STON2: variants seen among roughly 807,000 people sequenced by gnomAD.
STON2 encodes the protein stonin-2.
Under a neutral mutation model 65.7 loss-of-function variants are expected in STON2, and 29 were observed. The ratio of observed to expected loss-of-function variants is 0.44; its 90% CI spans 0.33 to 0.60. The LOEUF (loss-of-function observed/expected upper bound fraction) is 0.60, where lower values mean the gene tolerates loss of function less well. Ranked by LOEUF, STON2 falls within the 20% of genes least tolerant of loss-of-function variation. The pLI is 0.03. For missense variants in STON2, 1,054 were observed against 1,118.1 expected (o/e 0.94, Z 0.82); for synonymous variants, 404 against 414.2 (o/e 0.98, Z 0.30).
chr14:81,288,950 T>G (rs1005225198), intron 5 of STON2, among the ~76,000 whole-genome samples: 2 of 150,484 alleles, frequency 1.3e-5, no homozygotes, highest in African/African-American at 5.0e-5. Context: ...AGGACTATAA[T>G]GCCCACACTC....
chr14:81,380,117 G>A (rs533251832), intron 3 of STON2, among the ~76,000 whole-genome samples: 2 of 152,220 alleles, frequency 1.3e-5, no homozygotes, highest in African/African-American at 4.8e-5. Context: ...CTAATGTCAA[G>A]AATCTATAAG....
At chr14:81,348,830 C>T (rs1897914523) in intron 4 of STON2, among the ~76,000 whole-genome samples, 1 of 152,036 alleles carries the variant, frequency 6.6e-6, no homozygotes, top group Admixed American at 6.6e-5. Flanking sequence ...AGGTATCATA[C>T]TACCTTAGCT....
upstream of STON2, among the ~76,000 whole-genome samples, chr14:81,402,449 C>A (rs1030701348): frequency 2.0e-5 from 3 of 152,130 alleles, no homozygotes; most frequent in Admixed American, 1.3e-4. Flanking sequence ...TGGTTAGTCA[C>A]CAAAAGTAGG....
intron 5 of STON2, among the ~76,000 whole-genome samples, chr14:81,315,292 C>T (rs1192220063): frequency 6.6e-6 from 1 of 152,176 alleles, no homozygotes; most frequent in Non-Finnish European, 1.5e-5. Context: ...CAGATAAAAC[C>T]TCAATTCCTT....
At chr14:81,339,452 G>A (rs1009849945) in intron 4 of STON2, among the ~76,000 whole-genome samples, 1 of 152,164 alleles carries the variant, frequency 6.6e-6, no homozygotes, top group Non-Finnish European at 1.5e-5. Context: ...AGCAAAGACA[G>A]TGCAGATCTC....
intron 5 of STON2, among the ~76,000 whole-genome samples, chr14:81,288,784 C>T (rs946735503): frequency 2.0e-5 from 3 of 150,076 alleles, no homozygotes; most frequent in Non-Finnish European, 4.4e-5. Context: ...TCTACAGGTA[C>T]CATAAGGGAG....
chr14:81,312,638 C>G (rs1188845069), intron 5 of STON2, among the ~76,000 whole-genome samples: 1 of 152,214 alleles, frequency 6.6e-6, no homozygotes, highest in East Asian at 1.9e-4. Context: ...CTCTTGCCTC[C>G]CAGCATCTAG....
rs1894555286 is a variant in STON2, at chr14:81,270,856, G to C, written c.2598C>G (p.His866Gln). The C allele has an allele frequency of 2.5e-6, 4 of 1,613,058 alleles. No homozygotes were observed. Among genetic ancestry groups the C allele is most frequent in the Non-Finnish European group, 3.4e-6 (4 of 1,179,962 alleles). The change falls in exon 7 of 8, where the codon CAC becomes CAG. Residue 866 changes from histidine (H) to glutamine (Q), a missense_variant. Transcript: ENST00000614646. ...PDKNSASGHP[H>Q]CFFCHLELGS... Reference sequence around the variant, plus strand: ...CGAGTTCAAGGTGGCAAAAGAAACAGTGTGGGTGACCGGAAGCTATGAAAG... The same window carrying C: ...CGAGTTCAAGGTGGCAAAAGAAACACTGTGGGTGACCGGAAGCTATGAAAG...
intron 5 of STON2, among the ~76,000 whole-genome samples, chr14:81,292,679 C>G (rs1227449895): frequency 1.3e-5 from 2 of 152,144 alleles, no homozygotes; most frequent in Non-Finnish European, 2.9e-5. Context: ...TCAATTAAAC[C>G]TCTTTCCTTT....
chr14:81,351,154 T>C (rs1000420175), intron 4 of STON2, among the ~76,000 whole-genome samples: 11 of 151,312 alleles, frequency 7.3e-5, no homozygotes, highest in African/African-American at 2.4e-4. Flanking sequence ...TGCTTGAGAC[T>C]AAGGTATTTT....
At chr14:81,280,944 G>A (rs899149454) in intron 5 of STON2, among the ~76,000 whole-genome samples, 21 of 151,128 alleles carry the variant, frequency 1.4e-4, no homozygotes, top group Non-Finnish European at 2.2e-4. Flanking sequence ...CTGGGAGACA[G>A]AGGTTGCAGT....
At chr14:81,291,738 AAACT>A (rs1166956339) in intron 5 of STON2, among the ~76,000 whole-genome samples, 1 of 151,758 alleles carries the variant, frequency 6.6e-6, no homozygotes, top group Non-Finnish European at 1.5e-5. Context: ...TTATTAGAAT[AAACT>A]AACACATTTA....
chr14:81,417,671 G>C (rs1444172277), intron 2 of STON2, among the ~76,000 whole-genome samples: 1 of 152,160 alleles, frequency 6.6e-6, no homozygotes, highest in Non-Finnish European at 1.5e-5. Context: ...TAGATTTGGT[G>C]CCTAGAGAAA....
chr14:81,398,559 G>A lies in STON2; in HGVS notation c.-177C>T, dbSNP rs1361996328. ...AGACAGATCAGCCTCTCTTGCCGTT[G>A]GTTAATCTGCCAGGCAGAAATCTGT... On this transcript the variant is annotated 5_prime_UTR_variant, in exon 2 of 8. Coordinates refer to ENST00000614646, the MANE Select transcript of STON2 (RefSeq NM_001394390.1). 1.1e-5 allele frequency: 5 copies of A among 466,926 alleles called. No individual in the cohort carries two copies. Among genetic ancestry groups the A allele is most frequent in the African/African-American group, 2.0e-5 (1 of 49,992 alleles). The allele number at this position is 466,926 out of a possible 1,614,324, so 28.9% of individuals were successfully genotyped here. A position where few individuals can be genotyped will look rare whatever the true frequency, so the allele number is the denominator to read the frequency against.
chr14:81,303,428 G>A (rs1896048203), intron 5 of STON2, among the ~76,000 whole-genome samples: 1 of 152,204 alleles, frequency 6.6e-6, no homozygotes, highest in African/African-American at 2.4e-5. Context: ...CAGTGGTGGT[G>A]TGGGACAAGT....
intron 3 of STON2, among the ~76,000 whole-genome samples, chr14:81,384,492 T>C (rs1464223505): frequency 7.0e-6 from 1 of 142,284 alleles, no homozygotes; most frequent in East Asian, 2.1e-4. Flanking sequence ...CGCCTCAGCC[T>C]ACCAAAGTGG....
intron 7 of STON2, chr14:81,270,425 A>G (rs557640464): frequency 2.8e-6 from 4 of 1,420,498 alleles, no homozygotes; most frequent in Admixed American, 3.0e-5. Flanking sequence ...AATGACAGAA[A>G]GACATTATAT....
chr14:81,288,500 G>T (rs1895427949), intron 5 of STON2, among the ~76,000 whole-genome samples: 1 of 152,162 alleles, frequency 6.6e-6, no homozygotes, highest in African/African-American at 2.4e-5. Flanking sequence ...TATACCCAAA[G>T]ATATCTAAAC....
At chr14:81,410,153 T>A (rs140440306) in intron 2 of STON2, among the ~76,000 whole-genome samples, 28 of 152,108 alleles carry the variant, frequency 1.8e-4, no homozygotes, top group African/African-American at 6.7e-4. Flanking sequence ...GGCCCTGATG[T>A]CACTGAGCCA....
Sources: allele counts gnomAD v4.1 joint callset (sites outside exome capture counted in the v4.1 genomes callset), GRCh38; gene constraint gnomAD v4.1.1; transcripts MANE v1.5; gene names NCBI Gene and HGNC (gene_info 2026-07-23, HGNC 2026-07-21).